HMCN2: variants seen among roughly 807,000 people sequenced by gnomAD.
The protein encoded by HMCN2 is hemicentin 2.
HMCN2 carries 325 observed loss-of-function variants against 377.5 expected under a neutral mutation model. The ratio of observed to expected loss-of-function variants is 0.86; its 90% CI spans 0.79 to 0.94. The LOEUF is 0.94. Among genes scored for constraint, HMCN2 ranks in the 40% least tolerant of loss-of-function variants. The probability of loss-of-function intolerance (pLI) is 0.00; values close to 1 mark genes in which losing one functional copy is unlikely to be tolerated. For missense variants in HMCN2, 4,543 were observed against 4,725.3 expected (o/e 0.96, Z 1.13); for synonymous variants, 2,007 against 2,046.8 (o/e 0.98, Z 0.53).
At chr9:130,327,043 G>T (rs1679224467) in intron 21 of HMCN2, among the ~76,000 whole-genome samples, 1 of 152,034 alleles carries the variant, frequency 6.6e-6, no homozygotes, top group Admixed American at 6.5e-5. Context: ...CAGACCGTAG[G>T]GCAGGAGGGA....
chr9:130,355,102 G>C, intron 32 of HMCN2, 58 bp downstream of exon 32: 2 of 1,200,854 alleles, frequency 1.7e-6, no homozygotes, highest in South Asian at 2.9e-5. Flanking sequence ...GCCCAGGCCT[G>C]CTGCGTGCTT....
At chr9:130,358,213 G>C (rs1840154487) in intron 35 of HMCN2, 177 bp from the exon 36 acceptor site, 10 of 504,348 alleles carry the variant, frequency 2.0e-5, no homozygotes, top group Non-Finnish European at 2.0e-5. Flanking sequence ...GGTATGCCTG[G>C]AGATCGGACG....
intron 32 of HMCN2, 144 bp from the exon 33 acceptor site, chr9:130,355,602 G>A: frequency 2.3e-6 from 1 of 438,652 alleles, no homozygotes; most frequent in Non-Finnish European, 4.5e-6. Context: ...GGCCCTGGAA[G>A]GCCTCCTGGA....
chr9:130,275,766 C>T (rs1369261499), intron 1 of HMCN2, among the ~76,000 whole-genome samples: 3 of 152,148 alleles, frequency 2.0e-5, no homozygotes, highest in African/African-American at 7.2e-5. Context: ...TTGCTATTAA[C>T]CAGCCTTGCC....
rs909220073 is a variant in HMCN2 at position 130,308,323 on chromosome 9, C to A, written c.2200+757C>A. On this transcript the variant is annotated intron_variant, in intron 14 of 97. Coordinates refer to ENST00000683500, the MANE Select transcript of HMCN2 (RefSeq NM_001291815.2). The surrounding 1 kb of genome is among the most constrained non-coding windows in gnomAD (Gnocchi z 4.1). Reference sequence around the variant, plus strand: ...TGCTTGGCATTCTTAGTGATAGTGCCGACGATAATGTGATTATCTGAAAAT... The same window carrying A: ...TGCTTGGCATTCTTAGTGATAGTGCAGACGATAATGTGATTATCTGAAAAT... 3.3e-5 allele frequency among the ~76,000 whole-genome samples: 5 copies of A among 152,124 alleles called. No homozygotes were observed. Among genetic ancestry groups the A allele is most frequent in the African/African-American group, 1.2e-4 (5 of 41,410 alleles).
intron 60 of HMCN2, among the ~76,000 whole-genome samples, chr9:130,386,190 A>G (rs1439832900): frequency 2.0e-5 from 3 of 151,608 alleles, no homozygotes; most frequent in Admixed American, 6.6e-5. Context: ...AGCAAGGGGG[A>G]CCTCTTCCTG....
chr9:130,430,559 G>A lies in HMCN2; in HGVS notation c.14602G>A (p.Ala4868Thr). The change falls in exon 95 of 98, where the codon GCC (alanine) becomes ACC (threonine). Residue 4868 changes from alanine (A) to threonine (T), a missense_variant. Ala to Thr is a moderately conservative substitution (Grantham distance 58). Transcript: ENST00000683500. ...CATGGCCCTGAGCAGTGTGGGCCGG[G>A]CCTGGTGCCCTCCTGGTTTCATCAG... ...GPMALSSVGR[A>T]WCPPGFIRQN... The A allele has an allele frequency of 3.2e-6, 5 of 1,550,486 alleles. No individual in the cohort carries two copies. The highest frequency in any genetic ancestry group is 1.4e-5 in the African/African-American group (1 of 73,192).
At chr9:130,352,181 C>T (rs888326557) in intron 30 of HMCN2, among the ~76,000 whole-genome samples, 2 of 152,214 alleles carry the variant, frequency 1.3e-5, no homozygotes, top group African/African-American at 4.8e-5. Flanking sequence ...CACTTCCTTA[C>T]ACTGAAACAC....
At position 130,424,173 on chromosome 9, in the gene HMCN2, T is replaced by A. The variant is rs576952094; in HGVS notation, c.13382-603T>A. Among the ~76,000 whole-genome samples the A allele has an allele frequency of 5.9e-4, 88 of 148,230 alleles. 1 individual carries two copies. The highest frequency in any genetic ancestry group is 1.8e-3 in the African/African-American group (72 of 40,228). On this transcript the variant is annotated intron_variant, in intron 87 of 97. Coordinates refer to ENST00000683500, the MANE Select transcript of HMCN2 (RefSeq NM_001291815.2). ...TGTCCATATATATATATATATATTT[T>A]TTTTTTTTTTAATTTTTTTTTTTGA...
At chr9:130,355,645 A>G in intron 32 of HMCN2, 101 bp from the exon 33 acceptor site, 1 of 593,866 alleles carries the variant, frequency 1.7e-6, no homozygotes, top group Non-Finnish European at 2.9e-6. Context: ...CGTGAGGGTG[A>G]GGTGCAGCTG....
At position 130,311,392 on chromosome 9, in the gene HMCN2, C is replaced by T. The variant is rs945765003; in HGVS notation, c.2350+1331C>T. Among the ~76,000 whole-genome samples the T allele has an allele frequency of 1.1e-4, 17 of 152,282 alleles. 1 individual carries two copies. Among genetic ancestry groups the T allele is most frequent in the Admixed American group, 2.6e-4 (4 of 15,300 alleles). On this transcript the variant is annotated intron_variant, in intron 15 of 97. Coordinates refer to ENST00000683500, the MANE Select transcript of HMCN2 (RefSeq NM_001291815.2). The stretch of plus-strand genomic sequence containing the variant: ...TCAGGCTTGGGGTGCTCTTAGCCTT[C>T]GTTCACTTGTTCCGTCTTTCATTCC...
rs117097880 is a variant in HMCN2, at chr9:130,407,673, G to A, written c.12656G>A (p.Arg4219His). The A allele has an allele frequency of 3.6e-3, 4,495 of 1,260,940 alleles. 11 individuals carry two copies. The highest frequency in any genetic ancestry group is 4.3e-3 in the Non-Finnish European group (4,128 of 970,584). The allele number at this position is 1,260,940 out of a possible 1,614,324, so 78.1% of individuals were successfully genotyped here. The stretch of plus-strand genomic sequence containing the variant: ...TGCTGGGCGGAGAACAGAGTGGGCC[G>A]CACGCAGGCGGTCAGCTTCGTCCAC... ...YVCWAENRVGRTQAVSFVHVK... is the reference protein window; with the variant it reads ...YVCWAENRVGHTQAVSFVHVK... The change falls in exon 83 of 98, where the codon CGC becomes CAC. Residue 4219 changes from arginine to histidine, a missense_variant. Transcript: ENST00000683500.
chr9:130,307,092 T>C (rs577275192), intron 13 of HMCN2, among the ~76,000 whole-genome samples, 154 bp downstream of exon 13: 41 of 152,150 alleles, frequency 2.7e-4, no homozygotes, highest in African/African-American at 8.9e-4. Context: ...GAGCTTATAT[T>C]CTAAGGAGAA....
intron 4 of HMCN2, among the ~76,000 whole-genome samples, chr9:130,292,332 T>G (rs1835827243): frequency 6.6e-6 from 1 of 152,228 alleles, no homozygotes; most frequent in South Asian, 2.1e-4. Context: ...TCTAACAGTT[T>G]TAGCATCCAC....
In HMCN2 at chr9:130,303,908, C is replaced by T. The variant is rs971602235; in HGVS notation, c.1543+300C>T. Among the ~76,000 whole-genome samples, 3 of 152,210 alleles carry T rather than the reference C, an allele frequency of 2.0e-5. No homozygotes were observed. Among genetic ancestry groups the T allele is most frequent in the Non-Finnish European group, 4.4e-5 (3 of 68,044 alleles). On this transcript the variant is annotated intron_variant, in intron 10 of 97. Transcript: ENST00000683500. This position sits in a 1 kb window ranked among gnomAD's most constrained non-coding sequence, Gnocchi z 5.2. ...GGCTTTCAGGGGCCGCCATCCATCTCGTGGTCGGGACAACCTTCGTGCCTC... is the reference window on the plus strand; with the variant it reads ...GGCTTTCAGGGGCCGCCATCCATCTTGTGGTCGGGACAACCTTCGTGCCTC...
In HMCN2 at chr9:130,280,329, ATT is replaced by A. The variant is rs36002092; in HGVS notation, c.260-4260_260-4259del. Reference sequence around the variant, plus strand: ...AGGTGCCTGCCACCATGCCCGGCTAATTTTTTTTTTTTTTTGTATTTTTTAGT... The same window carrying A: ...AGGTGCCTGCCACCATGCCCGGCTAATTTTTTTTTTTTTGTATTTTTTAGT... On this transcript the variant is annotated intron_variant, in intron 1 of 97. Coordinates refer to ENST00000683500, the MANE Select transcript of HMCN2 (RefSeq NM_001291815.2). Among the ~76,000 whole-genome samples, 586 of 139,180 alleles carry A rather than the reference ATT, an allele frequency of 4.2e-3. 4 individuals are homozygous for A. Among genetic ancestry groups the A allele is most frequent in the African/African-American group, 8.4e-3 (315 of 37,382 alleles). The allele number at this position is 139,180 out of a possible 152,430, so 91.3% of individuals were successfully genotyped here. A position where few individuals can be genotyped will look rare whatever the true frequency, so the allele number is the denominator to read the frequency against.
rs1359908562 is a variant in HMCN2, at chr9:130,358,473, G to A, written c.5664G>A (p.Ala1888=). Residue 1888 remains alanine, a synonymous_variant, in exon 36 of 98, where the codon GCG becomes GCA. Transcript: ENST00000683500. ...CTGGGGAGAGCAAGAGGGAAGTGGC[G>A]CTGAAAGTTTTGGGTGAGGACGTGG... ...NLAGESKREV[A]LKVLVPPNIE... 7.7e-6 allele frequency: 10 copies of A among 1,304,354 alleles called. No individual in the cohort carries two copies. In the East Asian group the frequency reaches 1.7e-4, roughly 22 times the overall value. The allele number at this position is 1,304,354 out of a possible 1,614,324, so 80.8% of individuals were successfully genotyped here.
intron 73 of HMCN2, 88 bp from the exon 74 acceptor site, chr9:130,397,440 G>A (rs1210129027): frequency 1.7e-6 from 2 of 1,186,336 alleles, no homozygotes; most frequent in Non-Finnish European, 2.2e-6. Context: ...TGGGAAAGTG[G>A]GGGCAGAGGG....
chr9:130,321,337 A>G (rs903958188), intron 18 of HMCN2, among the ~76,000 whole-genome samples: 1 of 152,014 alleles, frequency 6.6e-6, no homozygotes, highest in African/African-American at 2.4e-5. Context: ...GTTCACGTCC[A>G]TTTGATTTTC....
Sources: gnomAD v4.1 joint callset for allele counts (sites outside exome capture counted in the v4.1 genomes callset) on GRCh38, gnomAD v4.1.1 for gene constraint, Gnocchi (gnomAD v3.1) non-coding constraint, MANE v1.5 for transcripts, NCBI Gene and HGNC (gene_info 2026-07-23, HGNC 2026-07-21) for gene names.